The following NHSL1 variants were observed in gnomAD, a reference collection of about 807,000 sequenced individuals.
NHSL1 encodes NHS like 1, also known as NHS-like protein 1.
Under a neutral mutation model 95.0 loss-of-function variants are expected in NHSL1, and 48 were observed. The observed-to-expected ratio is 0.51, with a 90% CI of 0.40 to 0.64. The LOEUF (loss-of-function observed/expected upper bound fraction) is 0.64. Ranked by LOEUF, NHSL1 falls within the 30% of genes least tolerant of loss-of-function variation. The pLI, the probability that NHSL1 is intolerant of heterozygous loss-of-function variation, is 0.00. For synonymous variants in NHSL1, 783 were observed against 833.9 expected (o/e 0.94, Z 1.05); for missense variants, 1,971 against 2,077.7 (o/e 0.95, Z 1.00).
At position 138,441,906 on chromosome 6, in the gene NHSL1, A is replaced by G; in HGVS notation, c.664+77T>C. 2.3e-6 allele frequency: 3 copies of G among 1,322,824 alleles called. No individual in the cohort carries two copies. The South Asian group carries it at 5.3e-5, about 23-fold the overall frequency. The allele number at this position is 1,322,824 out of a possible 1,614,324, so 81.9% of individuals were successfully genotyped here. On this transcript the variant is annotated intron_variant, in intron 5 of 7. Transcript: ENST00000343505. ...GCTATCAGAATGTATCGATTTTATA[A>G]GCACCATGAATGAGGTTAGCGCAGT...
chr6:138,450,096 C>T (rs903054487), intron 3 of NHSL1, among the ~76,000 whole-genome samples: 1 of 152,188 alleles, frequency 6.6e-6, no homozygotes, highest in Non-Finnish European at 1.5e-5. Flanking sequence ...TCAGCAGCAG[C>T]TAAGCCATAC....
chr6:138,567,658 G>T (rs1783670289), intron 1 of NHSL1, among the ~76,000 whole-genome samples: 1 of 151,918 alleles, frequency 6.6e-6, no homozygotes, highest in African/African-American at 2.4e-5. Flanking sequence ...ACTTTAAATA[G>T]ATCCAACTCC....
chr6:138,646,776 A>C (rs138014486), intron 1 of NHSL1, among the ~76,000 whole-genome samples: 1 of 152,350 alleles, frequency 6.6e-6, no homozygotes, highest in Non-Finnish European at 1.5e-5. Flanking sequence ...TGAGCAAATG[A>C]AACGTGACTC....
At chr6:138,644,287 G>A (rs1284178061) in intron 1 of NHSL1, among the ~76,000 whole-genome samples, 1 of 152,136 alleles carries the variant, frequency 6.6e-6, no homozygotes, top group Non-Finnish European at 1.5e-5. Flanking sequence ...TCGGTCACGA[G>A]GTCAGGAGTT....
rs751591465 is a variant in NHSL1 at position 138,433,154 on chromosome 6, G to C, written c.1191C>G (p.Ser397Arg). The C allele has an allele frequency of 4.2e-5, 65 of 1,551,164 alleles. No individual in the cohort carries two copies. The South Asian group carries it at 6.9e-4, about 16-fold the overall frequency. ...LRHFESENIM[S>R]PACVVSPHAT... The stretch of plus-strand genomic sequence containing the variant: ...CATGAGGAGAAACCACACACGCTGG[G>C]CTCATTATATTTTCACTCTCGAAGT... Residue 397 changes from serine to arginine, a missense_variant, in exon 6 of 8, where the codon AGC becomes AGG. Ser to Arg is a moderately radical substitution (Grantham distance 110, BLOSUM62 -1). Coordinates refer to ENST00000343505, the MANE Select transcript of NHSL1 (RefSeq NM_001144060.2).
chr6:138,514,885 G>A (rs563836383), intron 1 of NHSL1, among the ~76,000 whole-genome samples: 5 of 152,020 alleles, frequency 3.3e-5, no homozygotes, highest in African/African-American at 4.8e-5. Context: ...GTCACACCAC[G>A]GCATTCCAGC....
At chr6:138,502,339 T>C (rs1024336091), upstream of NHSL1, among the ~76,000 whole-genome samples, 1 of 152,214 alleles carries the variant, frequency 6.6e-6, no homozygotes, top group African/African-American at 2.4e-5. Flanking sequence ...ATAATCTGCA[T>C]GCCTCAATGC....
intron 7 of NHSL1, among the ~76,000 whole-genome samples, chr6:138,427,466 A>G (rs1468776018): frequency 1.3e-5 from 2 of 152,030 alleles, no homozygotes; most frequent in Non-Finnish European, 2.9e-5. Flanking sequence ...AAAAAAAGGA[A>G]GAAAGATGGG....
At chr6:138,427,716 G>T (rs956442713) in intron 7 of NHSL1, among the ~76,000 whole-genome samples, 12 of 152,126 alleles carry the variant, frequency 7.9e-5, no homozygotes, top group African/African-American at 2.9e-4. Flanking sequence ...CTTTAAATCT[G>T]AAGCGAATTA....
At chr6:138,463,266 A>G (rs1376359055) in intron 3 of NHSL1, among the ~76,000 whole-genome samples, 1 of 152,140 alleles carries the variant, frequency 6.6e-6, no homozygotes, top group African/African-American at 2.4e-5. Flanking sequence ...ATAATCAATC[A>G]GATCATGTTA....
chr6:138,498,723 TTG>T (rs1780503171), intron 1 of NHSL1, among the ~76,000 whole-genome samples: 1 of 152,178 alleles, frequency 6.6e-6, no homozygotes, highest in South Asian at 2.1e-4. Flanking sequence ...TCTAGACAGT[TTG>T]TGCTCGAGCT....
Position 138,508,850 on chromosome 6 carries a change from G to GA in NHSL1, c.17-12480dup, listed in dbSNP as rs200449242. 2.8e-3 allele frequency among the ~76,000 whole-genome samples: 427 copies of GA among 151,264 alleles called. 3 individuals carry two copies. The highest frequency in any genetic ancestry group is 0.027 in the Middle Eastern group (8 of 294). On this transcript the variant is annotated intron_variant, in intron 1 of 4. Coordinates refer to the NHSL1 transcript ENST00000342260. Reference sequence around the variant, plus strand: ...CAAAGTGAGCTATGCCTTTCTTGCAGAAAAAAAATAATTTCATTAACTGTA... The same window carrying GA: ...CAAAGTGAGCTATGCCTTTCTTGCAGAAAAAAAAATAATTTCATTAACTGTA...
In NHSL1 at chr6:138,433,430, G is replaced by A. The variant is rs751723499; in HGVS notation, c.915C>T (p.Ser305=). 117 of 1,552,168 alleles carry A rather than the reference G, an allele frequency of 7.5e-5. 1 individual carries two copies. In the Admixed American group the frequency reaches 1.2e-3, roughly 15 times the overall value. Residue 305 remains serine (S), a synonymous_variant, in exon 6 of 8, where the codon AGC becomes AGT. Coordinates refer to ENST00000343505, the MANE Select transcript of NHSL1 (RefSeq NM_001144060.2). Reference sequence around the variant, plus strand: ...AAGGGAATACGATCCCTGCAGAATCGCTCAGCACAGACATGTTGCCAGAGG... The same window carrying A: ...AAGGGAATACGATCCCTGCAGAATCACTCAGCACAGACATGTTGCCAGAGG... ...SGSSGNMSVL[S]DSAGIVFPSR... is the part of the protein sequence containing the mutation.
chr6:138,551,358 G>A (rs537309208), intron 1 of NHSL1, among the ~76,000 whole-genome samples: 2 of 152,260 alleles, frequency 1.3e-5, no homozygotes, highest in East Asian at 3.9e-4. Context: ...TTGTGAAGTT[G>A]GAGGAGACTG....
chr6:138,561,897 C>T (rs1275890163), intron 1 of NHSL1, among the ~76,000 whole-genome samples: 1 of 152,188 alleles, frequency 6.6e-6, no homozygotes, highest in African/African-American at 2.4e-5. Flanking sequence ...ATGCAGCCAG[C>T]ACAGTAACGA....
In NHSL1 at chr6:138,433,600, T is replaced by TA; in HGVS notation, c.744dup (p.Ser249Ter). The TA allele has an allele frequency of 6.4e-7, 1 of 1,552,128 alleles. No homozygotes were observed. On this transcript the variant is annotated frameshift_variant, in exon 6 of 8. Coordinates refer to ENST00000343505, the MANE Select transcript of NHSL1 (RefSeq NM_001144060.2). LOFTEE classifies it high-confidence loss of function. ...GAGCGCTGCCCAGCAGACCGACAGC[T>TA]ATTGAACCTTCCTAGTGTAGAGTAG...
Position 138,424,833 on chromosome 6 carries a change from T to G in NHSL1, c.4086-17A>C. 1 of 1,543,562 alleles carries G rather than the reference T, an allele frequency of 6.5e-7. No individual in the cohort carries two copies. On this transcript the variant is annotated splice_polypyrimidine_tract_variant and intron_variant, in intron 7 of 7. Transcript: ENST00000343505. The surrounding 1 kb of genome is among the most constrained non-coding windows in gnomAD (Gnocchi z 5.9). ...CTTTTGGATCTGAGATTTAATAACA[T>G]TAAGAAAAAGGTTAATTCCCACGGG...
Position 138,435,925 on chromosome 6 carries a change from A to G in NHSL1, c.665-2245T>C, listed in dbSNP as rs9402975. ...GTGACCAGTGATCTTTGATATTACT[A>G]TTGTAATTGTTTTGGGGGTGCCACA... is the stretch of plus-strand genomic sequence containing the variant. On this transcript the variant is annotated intron_variant, in intron 5 of 7. Transcript: ENST00000343505. Among the ~76,000 whole-genome samples, 5 of 152,116 alleles carry G rather than the reference A, an allele frequency of 3.3e-5. No homozygotes were observed. In the East Asian group the frequency reaches 7.7e-4, roughly 23 times the overall value.
chr6:138,520,999 G>A (rs917775802), intron 1 of NHSL1, among the ~76,000 whole-genome samples: 3 of 152,166 alleles, frequency 2.0e-5, no homozygotes, highest in Admixed American at 6.5e-5. Context: ...TGAAGGTGGG[G>A]CCCTCATACA....
Sources: gnomAD v4.1 joint callset for allele counts (sites outside exome capture counted in the v4.1 genomes callset) on GRCh38, gnomAD v4.1.1 for gene constraint, Gnocchi (gnomAD v3.1) non-coding constraint, MANE v1.5 for transcripts, NCBI Gene and HGNC (gene_info 2026-07-23, HGNC 2026-07-21) for gene names.